RNF14: variants seen among roughly 807,000 people sequenced by gnomAD.
RNF14 encodes the protein ring finger protein 14, also known as E3 ubiquitin-protein ligase RNF14.
RNF14 carries 26 observed loss-of-function variants against 52.6 expected under a neutral mutation model. The observed-to-expected ratio is 0.49, with a 90% CI of 0.36 to 0.69. The LOEUF (loss-of-function observed/expected upper bound fraction) is 0.69, where lower values mean the gene tolerates loss of function less well. Among genes scored for constraint, RNF14 ranks in the 30% least tolerant of loss-of-function variants. RNF14 has a pLI of 0.00. For synonymous variants in RNF14, 194 were observed against 202.0 expected, an observed-to-expected ratio of 0.96 and a Z score of 0.34; for missense variants, 404 against 560.4, an observed-to-expected ratio of 0.72 and a Z score of 2.82.
At chr5:141,957,972 A>G (rs989803079), upstream of RNF14, 1 of 1,155,306 alleles carries the variant, frequency 8.7e-7, no homozygotes. The surrounding 1 kb of genome is among the most constrained non-coding windows in gnomAD (Gnocchi z 4.3). Flanking sequence ...AGCTGCCGGC[A>G]CAACCTTGTC....
intron 1 of RNF14, among the ~76,000 whole-genome samples, chr5:141,961,381 G>A (rs144270435): frequency 6.6e-6 from 1 of 152,100 alleles, no homozygotes. Context: ...GGCAAACAAG[G>A]CCCCAGACTT....
intron 4 of RNF14, among the ~76,000 whole-genome samples, chr5:141,978,040 G>A (rs989778517): frequency 6.6e-6 from 1 of 152,194 alleles, no homozygotes; most frequent in African/African-American, 2.4e-5. Context: ...ACCTTACGGA[G>A]TCTTGCTATT....
chr5:141,954,826 C>G (rs1596645987), upstream of RNF14: 2 of 1,089,040 alleles, frequency 1.8e-6, no homozygotes, highest in East Asian at 4.8e-5. Flanking sequence ...AAAGCTGTGC[C>G]CTGAACCATT....
At chr5:141,961,145 TATTCTTCAGAGGACATTGTTTTA>T (rs1561538188) in intron 1 of RNF14, among the ~76,000 whole-genome samples, 3 of 152,238 alleles carry the variant, frequency 2.0e-5, no homozygotes, top group Non-Finnish European at 4.4e-5. Context: ...TTAACATTTA[TATTCTTCAGAGGACATTGTTTTA>T]TCTATATATA....
At chr5:141,960,183 C>T (rs554660710) in intron 1 of RNF14, among the ~76,000 whole-genome samples, 47 of 152,154 alleles carry the variant, frequency 3.1e-4, no homozygotes, top group Non-Finnish European at 5.1e-4. Flanking sequence ...TGGCAGCCCA[C>T]GTGACAGTCT....
At chr5:141,953,777 AG>A (rs1306293584), upstream of RNF14, among the ~76,000 whole-genome samples, 1 of 152,230 alleles carries the variant, frequency 6.6e-6, no homozygotes, top group Non-Finnish European at 1.5e-5. Context: ...CACCGATCCC[AG>A]GGCAAGATTC....
At chr5:141,966,898 C>T (rs1753361977), upstream of RNF14, 1 of 152,308 alleles carries the variant, frequency 6.6e-6, no homozygotes, top group African/African-American at 2.4e-5. Flanking sequence ...TCTCTGAGCA[C>T]TCTGAGGTAG....
chr5:141,964,944 T>A (rs1176745129), upstream of RNF14, among the ~76,000 whole-genome samples: 41 of 150,906 alleles, frequency 2.7e-4, no homozygotes, highest in South Asian at 6.2e-4. Flanking sequence ...TCTAATTTTT[T>A]TTAAAAAAAA....
rs903868395 is a variant in RNF14, at chr5:141,988,186, C to G, written c.*396C>G. On this transcript the variant is annotated 3_prime_UTR_variant, in exon 9 of 9. Transcript: ENST00000394520. ...TTCTAAGACATTCTGTTGGAGTTCC[C>G]TCAGTACTATTCCTTACAACTGGAG... The G allele has an allele frequency of 5.6e-6, 1 of 177,822 alleles. No homozygotes were observed. The highest frequency in any genetic ancestry group is 2.4e-5 in the African/African-American group (1 of 42,038). The allele number at this position is 177,822 out of a possible 1,614,324, so 11.0% of individuals were successfully genotyped here.
At chr5:141,972,884 C>G (rs1753909692) in intron 2 of RNF14, among the ~76,000 whole-genome samples, 1 of 152,166 alleles carries the variant, frequency 6.6e-6, no homozygotes, top group South Asian at 2.1e-4. Flanking sequence ...AGCCACCGCG[C>G]CTGGCAAATT....
upstream of RNF14, among the ~76,000 whole-genome samples, chr5:141,966,155 C>T (rs1753343981): frequency 6.6e-6 from 1 of 151,966 alleles, no homozygotes; most frequent in African/African-American, 2.4e-5. Flanking sequence ...GTGGTGTGCA[C>T]CTGGAATCCC....
At chr5:141,965,429 A>C (rs532200815), upstream of RNF14, among the ~76,000 whole-genome samples, 1 of 152,252 alleles carries the variant, frequency 6.6e-6, no homozygotes, top group South Asian at 2.1e-4. Context: ...CCCTGGGGAC[A>C]GGGGGTGGGA....
chr5:141,956,222 T>C (rs1222934955), upstream of RNF14: 3 of 1,614,188 alleles, frequency 1.9e-6, no homozygotes, highest in Middle Eastern at 1.6e-4. Context: ...GATGCAAGCA[T>C]GGGTTGCCCG....
chr5:141,950,191 C>T, the RNF14 span, among the ~76,000 whole-genome samples: 1 of 152,164 alleles, frequency 6.6e-6, no homozygotes, highest in Non-Finnish European at 1.5e-5. Flanking sequence ...TAAAGCTGCT[C>T]AGAATCTGCT....
At chr5:141,971,007 T>C (rs1346532443) in intron 2 of RNF14, 130 bp downstream of exon 2, 2 of 152,302 alleles carry the variant, frequency 1.3e-5, no homozygotes, top group African/African-American at 4.8e-5. Flanking sequence ...AATTTCATAG[T>C]ATGACCTTTT....
chr5:141,962,220 C>T (rs1753280089), upstream of RNF14, among the ~76,000 whole-genome samples: 1 of 152,138 alleles, frequency 6.6e-6, no homozygotes, highest in Admixed American at 6.5e-5. Context: ...CACAATGGCA[C>T]CTGTTTCTGG....
At chr5:141,956,106 A>C, upstream of RNF14, 3 of 1,614,180 alleles carry the variant, frequency 1.9e-6, no homozygotes, top group Non-Finnish European at 2.5e-6. Flanking sequence ...CTGTGGAGGC[A>C]TTCACAAGCA....
At chr5:141,955,042 C>T (rs780344780), upstream of RNF14, 14 of 1,614,104 alleles carry the variant, frequency 8.7e-6, no homozygotes, top group South Asian at 2.2e-5. This position sits in a 1 kb window ranked among gnomAD's most constrained non-coding sequence, Gnocchi z 5.5. Flanking sequence ...CACAGACAGC[C>T]GGACCAGGCT....
At chr5:141,962,465 C>T (rs1157249799), upstream of RNF14, among the ~76,000 whole-genome samples, 5 of 152,134 alleles carry the variant, frequency 3.3e-5, no homozygotes, top group African/African-American at 9.7e-5. Flanking sequence ...AGCTCAGTTC[C>T]GCACCCTTCA....
Sources: gnomAD v4.1 joint callset for allele counts (sites outside exome capture counted in the v4.1 genomes callset) on GRCh38, gnomAD v4.1.1 for gene constraint, Gnocchi (gnomAD v3.1) non-coding constraint, MANE v1.5 for transcripts, NCBI Gene and HGNC (gene_info 2026-07-23, HGNC 2026-07-21) for gene names.